TTC39B: variants seen among roughly 807,000 people sequenced by gnomAD.
TTC39B encodes tetratricopeptide repeat protein 39B.
In TTC39B, 92 loss-of-function variants were observed where a neutral mutation model predicts 96.6. The observed-to-expected ratio is 0.95, with a 90% confidence interval of 0.80 to 1.13. The LOEUF is 1.13. Ranked by LOEUF, TTC39B falls within the 50% of genes most tolerant of loss-of-function variation. The pLI, the probability that TTC39B is intolerant of heterozygous loss-of-function variation, is 0.00. For synonymous variants in TTC39B, 367 were observed against 299.4 expected (o/e 1.23, Z -2.33); for missense variants, 955 against 809.3 (o/e 1.18, Z -2.18).
At chr9:15,301,225 A>G (rs1184724200) in intron 1 of TTC39B, among the ~76,000 whole-genome samples, 1 of 152,216 alleles carries the variant, frequency 6.6e-6, no homozygotes, top group Non-Finnish European at 1.5e-5. Flanking sequence ...GTCTTAGTGC[A>G]ATTACTGAAA....
At chr9:15,177,612 A>T (rs1818010939) in intron 18 of TTC39B, 85 bp downstream of exon 18, 1 of 878,994 alleles carries the variant, frequency 1.1e-6, no homozygotes, top group Non-Finnish European at 1.8e-6. Context: ...GCAGTAAGAG[A>T]TAAAAGCATT....
intron 2 of TTC39B, among the ~76,000 whole-genome samples, chr9:15,235,214 A>T (rs1000942712): frequency 1.8e-4 from 28 of 152,086 alleles, no homozygotes; most frequent in Admixed American, 6.5e-5. Flanking sequence ...ATAATTTTTT[A>T]AAAAATAGCT....
chr9:15,307,135 C>G (rs761341121), exon 1 of TTC39B: 2 of 1,608,748 alleles, frequency 1.2e-6, no homozygotes, highest in African/African-American at 1.3e-5. Flanking sequence ...TATTCCTCCT[C>G]TGGCTGCTGC....
chr9:15,298,264 C>T (rs1320155700), intron 1 of TTC39B, among the ~76,000 whole-genome samples: 2 of 152,276 alleles, frequency 1.3e-5, no homozygotes, highest in Non-Finnish European at 2.9e-5. Context: ...TTTGAGGCCT[C>T]TGTGCTTGGA....
At chr9:15,208,818 C>T (rs1430321551) in intron 6 of TTC39B, among the ~76,000 whole-genome samples, 1 of 152,160 alleles carries the variant, frequency 6.6e-6, no homozygotes, top group South Asian at 2.1e-4. Context: ...ATAATCAATA[C>T]TCTAGCTTCA....
chr9:15,221,745 T>A (rs906217803), intron 3 of TTC39B, among the ~76,000 whole-genome samples: 11 of 152,168 alleles, frequency 7.2e-5, no homozygotes, highest in South Asian at 2.1e-4. Flanking sequence ...TTCATTTTTT[T>A]AAAAAAGCAC....
At chr9:15,287,704 T>C (rs1824023511) in intron 1 of TTC39B, among the ~76,000 whole-genome samples, 2 of 152,092 alleles carry the variant, frequency 1.3e-5, no homozygotes, top group Non-Finnish European at 2.9e-5. Flanking sequence ...AAAATGATTC[T>C]TTCTGGCTGG....
At chr9:15,268,073 G>C (rs2131551268) in intron 1 of TTC39B, 125 bp from the exon 2 acceptor site, 1 of 715,058 alleles carries the variant, frequency 1.4e-6, no homozygotes, top group South Asian at 2.0e-5. Context: ...ATAGCAGGCA[G>C]TAGAATCAAT....
intron 2 of TTC39B, among the ~76,000 whole-genome samples, chr9:15,238,118 A>G (rs1586938749): frequency 6.6e-6 from 1 of 152,278 alleles, no homozygotes; most frequent in East Asian, 1.9e-4. Context: ...ATACCTCAAA[A>G]TAATAAGAGC....
At chr9:15,168,432 CAG>C (rs1817567463) in exon 20 of TTC39B, 1 of 69,818 alleles carries the variant, frequency 1.4e-5, no homozygotes, top group African/African-American at 5.8e-5. Context: ...AAAAAAAAAA[CAG>C]AAATGGAGGG....
intron 3 of TTC39B, among the ~76,000 whole-genome samples, chr9:15,222,083 G>A (rs1409384672): frequency 1.3e-5 from 2 of 152,148 alleles, no homozygotes; most frequent in Non-Finnish European, 2.9e-5. Flanking sequence ...CCAAAAACCT[G>A]CCTCAGCTTT....
intron 4 of TTC39B, among the ~76,000 whole-genome samples, chr9:15,213,672 C>G (rs1266117624): frequency 1.3e-5 from 2 of 152,188 alleles, no homozygotes; most frequent in African/African-American, 4.8e-5. Flanking sequence ...GAAAACTTAA[C>G]AGGTACTATT....
Position 15,188,111 on chromosome 9 carries a change from A to AT in TTC39B, c.1254dup (p.Cys419MetfsTer23). The AT allele has an allele frequency of 6.2e-7, 1 of 1,604,222 alleles. No individual in the cohort carries two copies. Among genetic ancestry groups the AT allele is most frequent in the East Asian group, 2.2e-5 (1 of 44,632 alleles). ...TTCCATTCTTCTTGAACTGAAATGC[A>AT]TTTTTGAAATACTTCTTGTGCCTGT... On this transcript the variant is annotated frameshift_variant, in exon 14 of 20. Transcript: ENST00000512701. LOFTEE classifies it high-confidence loss of function.
rs61517681 is a variant in TTC39B, at chr9:15,198,461, AATATATATAT to A, written c.824+1390_824+1399del. Among the ~76,000 whole-genome samples the A allele has an allele frequency of 3.8e-3, 448 of 117,360 alleles. 4 individuals carry two copies. The highest frequency in any genetic ancestry group is 0.013 in the African/African-American group (422 of 32,076). 77.0% of individuals were successfully genotyped at this position (117,360 alleles called of 152,430 possible). A position where few individuals can be genotyped will look rare whatever the true frequency, so the allele number is the denominator to read the frequency against. On this transcript the variant is annotated intron_variant, in intron 8 of 19. Transcript: ENST00000512701. ...AACAAAGCAAGGTCTCGGTCGCAAA[AATATATATAT>A]ATATATATATATATATCATAAAGGG...
At chr9:15,219,734 T>G (rs1044340168) in intron 3 of TTC39B, among the ~76,000 whole-genome samples, 20 of 152,078 alleles carry the variant, frequency 1.3e-4, no homozygotes, top group Non-Finnish European at 2.8e-4. Context: ...GATTGGTGAG[T>G]TGGAAAGAAA....
At chr9:15,259,254 G>A (rs1398855586) in intron 2 of TTC39B, among the ~76,000 whole-genome samples, 1 of 152,186 alleles carries the variant, frequency 6.6e-6, no homozygotes, top group Non-Finnish European at 1.5e-5. Flanking sequence ...TTCTTAGGGA[G>A]AGGATCTGCA....
At chr9:15,219,838 C>A (rs1820743636) in intron 3 of TTC39B, among the ~76,000 whole-genome samples, 1 of 152,214 alleles carries the variant, frequency 6.6e-6, no homozygotes, top group Non-Finnish European at 1.5e-5. Context: ...GTAGGGCAGG[C>A]TCTACTGCCC....
intron 2 of TTC39B, among the ~76,000 whole-genome samples, chr9:15,235,243 AT>A (rs1821723984): frequency 6.6e-6 from 1 of 152,148 alleles, no homozygotes; most frequent in Non-Finnish European, 1.5e-5. Context: ...CATCTTTCAA[AT>A]TAACCCAAAC....
At chr9:15,283,400 C>G (rs1184808281) in intron 1 of TTC39B, among the ~76,000 whole-genome samples, 1 of 152,192 alleles carries the variant, frequency 6.6e-6, no homozygotes, top group African/African-American at 2.4e-5. Flanking sequence ...GCTTTTGCAC[C>G]TTTATGCATT....
Sources: gnomAD v4.1 joint callset for allele counts (sites outside exome capture counted in the v4.1 genomes callset) on GRCh38, gnomAD v4.1.1 for gene constraint, MANE v1.5 for transcripts, NCBI Gene and HGNC (gene_info 2026-07-23, HGNC 2026-07-21) for gene names.